Variants in CHN2 observed in about 807,000 individuals in gnomAD.
CHN2 encodes beta-chimaerin.
CHN2 carries 35 observed loss-of-function variants against 56.3 expected under a neutral mutation model. The ratio of observed to expected loss-of-function variants is 0.62; its 90% CI spans 0.47 to 0.82. The LOEUF (loss-of-function observed/expected upper bound fraction) is 0.82, where lower values mean the gene tolerates loss of function less well. Ranked by LOEUF, CHN2 falls within the 40% of genes least tolerant of loss-of-function variation. The pLI is 0.00. For synonymous variants in CHN2, 210 were observed against 212.8 expected, an observed-to-expected ratio of 0.99 and a Z score of 0.12; for missense variants, 491 against 580.5, an observed-to-expected ratio of 0.85 and a Z score of 1.58.
intron 6 of CHN2, among the ~76,000 whole-genome samples, chr7:29,449,130 T>G (rs17158002): frequency 0.078 from 11,944 of 152,206 alleles, 865 homozygotes; most frequent in African/African-American, 0.2. Context: ...CAAGTTAAAC[T>G]TAGCAGAATA....
At chr7:29,309,532 T>C (rs1794431052) in intron 1 of CHN2, among the ~76,000 whole-genome samples, 1 of 152,214 alleles carries the variant, frequency 6.6e-6, no homozygotes, top group South Asian at 2.1e-4. Context: ...CTAATTTTGC[T>C]TCTCCTTTTC....
chr7:29,248,698 T>G (rs1293406820), intron 1 of CHN2, among the ~76,000 whole-genome samples: 2 of 152,214 alleles, frequency 1.3e-5, no homozygotes, highest in Admixed American at 1.3e-4. Context: ...CTTACTTTTT[T>G]CCCAGTGCTT....
At chr7:29,439,470 A>G (rs1161890096) in intron 6 of CHN2, among the ~76,000 whole-genome samples, 3 of 152,114 alleles carry the variant, frequency 2.0e-5, no homozygotes, top group Non-Finnish European at 4.4e-5. Flanking sequence ...TCCCCACAAG[A>G]TCTTTCCATT....
intron 6 of CHN2, among the ~76,000 whole-genome samples, chr7:29,458,076 T>C (rs1784895479): frequency 6.6e-6 from 1 of 152,262 alleles, no homozygotes; most frequent in African/African-American, 2.4e-5. Flanking sequence ...TGTTAACTTT[T>C]TAACTCCATG....
chr7:29,203,527 A>G (rs1317285699), intron 1 of CHN2, among the ~76,000 whole-genome samples: 1 of 151,822 alleles, frequency 6.6e-6, no homozygotes, highest in East Asian at 1.9e-4. Context: ...TATTTACAAA[A>G]TTAATTTTAC....
At chr7:29,440,684 C>CAAAAAAAA (rs556692737) in intron 6 of CHN2, among the ~76,000 whole-genome samples, 1 of 45,650 alleles carries the variant, frequency 2.2e-5, no homozygotes, top group African/African-American at 5.2e-5. Context: ...GACTCCGTCT[C>CAAAAAAAA]AAAAAAAAAA....
At chr7:29,215,109 A>G (rs1785237185) in intron 1 of CHN2, among the ~76,000 whole-genome samples, 1 of 152,154 alleles carries the variant, frequency 6.6e-6, no homozygotes, top group South Asian at 2.1e-4. Context: ...TCACAGTCCA[A>G]AGTTTGAGAG....
chr7:29,437,028 A>G (rs1783277907), intron 6 of CHN2, among the ~76,000 whole-genome samples: 1 of 152,060 alleles, frequency 6.6e-6, no homozygotes, highest in Non-Finnish European at 1.5e-5. Context: ...GAGGATACAG[A>G]TAAGCAACAA....
intron 1 of CHN2, among the ~76,000 whole-genome samples, chr7:29,309,693 C>T (rs766901669): frequency 1.3e-5 from 2 of 152,214 alleles, no homozygotes; most frequent in African/African-American, 2.4e-5. Flanking sequence ...TGTTGATTCA[C>T]GAAGATCAAG....
chr7:29,214,738 G>A (rs1419373709), intron 1 of CHN2, among the ~76,000 whole-genome samples: 1 of 152,154 alleles, frequency 6.6e-6, no homozygotes, highest in Non-Finnish European at 1.5e-5. Flanking sequence ...ATCCACCATT[G>A]AATGCCTCTT....
intron 1 of CHN2, among the ~76,000 whole-genome samples, chr7:29,273,640 T>C (rs1790941715): frequency 1.3e-5 from 2 of 151,962 alleles, no homozygotes; most frequent in South Asian, 4.2e-4. Flanking sequence ...CCCCCAACAT[T>C]ATACTAGGTT....
chr7:29,406,976 T>C (rs1802706277), intron 6 of CHN2, among the ~76,000 whole-genome samples: 1 of 152,120 alleles, frequency 6.6e-6, no homozygotes, highest in African/African-American at 2.4e-5. Context: ...TTGCCCCACA[T>C]TCACCCTAAG....
At chr7:29,355,616 G>A (rs1251758885) in intron 2 of CHN2, among the ~76,000 whole-genome samples, 2 of 151,836 alleles carry the variant, frequency 1.3e-5, no homozygotes, top group East Asian at 1.9e-4. Flanking sequence ...GCCAGGGTGC[G>A]CAGGCCCTGG....
At chr7:29,333,654 C>T (rs1009587055) in intron 1 of CHN2, among the ~76,000 whole-genome samples, 2 of 152,182 alleles carry the variant, frequency 1.3e-5, no homozygotes, top group African/African-American at 2.4e-5. Context: ...AATCATGGCA[C>T]GGTTTCATAT....
intron 6 of CHN2, among the ~76,000 whole-genome samples, chr7:29,459,452 C>T (rs140510902): frequency 1.1e-4 from 16 of 152,254 alleles, no homozygotes; most frequent in Non-Finnish European, 1.8e-4. Context: ...CTCCCTAGTT[C>T]GGATGAGACT....
At chr7:29,283,104 C>T (rs1056038208) in intron 1 of CHN2, among the ~76,000 whole-genome samples, 1 of 152,148 alleles carries the variant, frequency 6.6e-6, no homozygotes, top group Admixed American at 6.5e-5. Flanking sequence ...CCTGAGAGTG[C>T]GTCGATGTCT....
intron 1 of CHN2, among the ~76,000 whole-genome samples, chr7:29,326,154 TTGTTTTG>T (rs1371400515): frequency 6.6e-6 from 1 of 151,388 alleles, no homozygotes; most frequent in Non-Finnish European, 1.5e-5. Flanking sequence ...GTTTGTTTGT[TTGTTTTG>T]TTGTTGTTTT....
At chr7:29,464,430 T>C (rs145036681) in intron 6 of CHN2, among the ~76,000 whole-genome samples, 1 of 152,342 alleles carries the variant, frequency 6.6e-6, no homozygotes, top group East Asian at 1.9e-4. Context: ...GAAACCTGAC[T>C]GGATGATATA....
At position 29,482,797 on chromosome 7, in the gene CHN2, C is replaced by CTTTTTTTTTT. The variant is rs375120538; in HGVS notation, c.654+2474_654+2483dup. 9.7e-4 allele frequency among the ~76,000 whole-genome samples: 62 copies of CTTTTTTTTTT among 64,206 alleles called. 9 individuals are homozygous for CTTTTTTTTTT. The highest frequency in any genetic ancestry group is 1.3e-3 in the Non-Finnish European group (45 of 34,260). The allele number at this position is 64,206 out of a possible 152,430, so 42.1% of individuals were successfully genotyped here. A position where few individuals can be genotyped will look rare whatever the true frequency, so the allele number is the denominator to read the frequency against. On this transcript the variant is annotated intron_variant, in intron 7 of 12. Transcript: ENST00000222792. ...TGCTAGGTGCTGTCTGCACTTTTTTCTTTTTTTTTTTTTTTTTTTTTTTTT... is the reference window on the plus strand; with the variant it reads ...TGCTAGGTGCTGTCTGCACTTTTTTCTTTTTTTTTTTTTTTTTTTTTTTTTTTTTTTTTTT...
Sources: allele counts gnomAD v4.1 joint callset (sites outside exome capture counted in the v4.1 genomes callset), GRCh38; gene constraint gnomAD v4.1.1; transcripts MANE v1.5; gene names NCBI Gene and HGNC (gene_info 2026-07-23, HGNC 2026-07-21).